The following ATXN8OS variants were observed in gnomAD, a reference collection of about 807,000 sequenced individuals.
ATXN8OS encodes ATXN8 opposite strand (non-protein coding).
chr13:70,167,678 G>A (rs1365930712), intron 4 of ATXN8OS, among the ~76,000 whole-genome samples: 2 of 135,890 alleles, frequency 1.5e-5, no homozygotes, highest in African/African-American at 5.5e-5. Flanking sequence ...TAAAAAAAAA[G>A]AAAATTCAGA....
intron 4 of ATXN8OS, among the ~76,000 whole-genome samples, chr13:70,155,539 G>T (rs1049480669): frequency 6.6e-6 from 1 of 152,112 alleles, no homozygotes; most frequent in Non-Finnish European, 1.5e-5. Flanking sequence ...CCTGTTAAAT[G>T]GTTATCATAA....
intron 3 of ATXN8OS, among the ~76,000 whole-genome samples, chr13:70,146,098 G>T (rs1248337595): frequency 1.3e-3 from 183 of 140,374 alleles, no homozygotes; most frequent in Middle Eastern, 3.5e-3. Context: ...CAAAAAGTGG[G>T]CAAAGGATAT....
At chr13:70,151,805 A>T (rs1207791990) in intron 4 of ATXN8OS, among the ~76,000 whole-genome samples, 1 of 152,110 alleles carries the variant, frequency 6.6e-6, no homozygotes. Flanking sequence ...GAAGAGTAAT[A>T]ACGACCTGAA....
chr13:70,122,968 T>G (rs1888382958), intron 2 of ATXN8OS, among the ~76,000 whole-genome samples: 2 of 152,030 alleles, frequency 1.3e-5, no homozygotes, highest in South Asian at 4.1e-4. Flanking sequence ...GTTTTCTAAT[T>G]TGTAAAACTG....
intron 4 of ATXN8OS, among the ~76,000 whole-genome samples, chr13:70,147,530 G>A (rs765913968): frequency 7.2e-5 from 11 of 152,028 alleles, no homozygotes; most frequent in Non-Finnish European, 1.0e-4. Flanking sequence ...AATTGAGCCC[G>A]CTGACATTCT....
chr13:70,136,612 G>A (rs1216848989), intron 3 of ATXN8OS, among the ~76,000 whole-genome samples: 1 of 151,954 alleles, frequency 6.6e-6, no homozygotes, highest in African/African-American at 2.4e-5. Flanking sequence ...AAGACCGCTA[G>A]CAGGAGAACT....
intron 3 of ATXN8OS, chr13:70,130,578 T>C (rs1888517960): frequency 5.0e-6 from 2 of 397,130 alleles, no homozygotes; most frequent in South Asian, 1.4e-4. Context: ...ACTTTTGAGA[T>C]ACCAATGGTG....
intron 1 of ATXN8OS, among the ~76,000 whole-genome samples, chr13:70,114,388 C>A (rs560435531): frequency 6.6e-6 from 1 of 152,118 alleles, no homozygotes; most frequent in South Asian, 2.1e-4. Context: ...GGACTTCACA[C>A]AATAATATAC....
intron 2 of ATXN8OS, among the ~76,000 whole-genome samples, chr13:70,127,427 ATAAT>A (rs1455219479): frequency 2.6e-5 from 4 of 152,132 alleles, no homozygotes; most frequent in Admixed American, 2.0e-4. Context: ...AATTATGCAC[ATAAT>A]TAATTGAAAT....
chr13:70,168,526 G>A (rs1229756541), intron 4 of ATXN8OS, among the ~76,000 whole-genome samples: 3 of 150,248 alleles, frequency 2.0e-5, no homozygotes, highest in East Asian at 2.0e-4. Flanking sequence ...CCACTGCCCC[G>A]CCCCACGCAT....
chr13:70,130,651 A>C (rs932544407), intron 3 of ATXN8OS: 4 of 398,264 alleles, frequency 1.0e-5, no homozygotes, highest in Non-Finnish European at 1.8e-5. Context: ...AGGAATGCAC[A>C]AGTAAGCATG....
At chr13:70,141,942 G>A (rs995797456) in intron 3 of ATXN8OS, among the ~76,000 whole-genome samples, 1 of 152,046 alleles carries the variant, frequency 6.6e-6, no homozygotes. Flanking sequence ...GGAACCCAAT[G>A]GCAGGGTCTC....
intron 3 of ATXN8OS, chr13:70,139,383 A>ACTG (rs193922930): frequency 0.018 from 8,191 of 457,148 alleles, 225 homozygotes; most frequent in Non-Finnish European, 0.024. Flanking sequence ...TACTACTACT[A>ACTG]CTGCTGCTGC....
intron 2 of ATXN8OS, among the ~76,000 whole-genome samples, chr13:70,122,366 A>T (rs1168868596): frequency 1.3e-5 from 2 of 152,052 alleles, no homozygotes; most frequent in Non-Finnish European, 2.9e-5. Flanking sequence ...AAGCATTAGT[A>T]GTCCATTTTG....
At chr13:70,129,818 A>C (rs1888503308) in exon 3 of ATXN8OS, 1 of 398,400 alleles carries the variant, frequency 2.5e-6, no homozygotes, top group African/African-American at 2.1e-5. Context: ...CAAAAATCCT[A>C]GAAGGATGTA....
At chr13:70,132,394 T>C (rs1301899476) in intron 3 of ATXN8OS, among the ~76,000 whole-genome samples, 3 of 150,586 alleles carry the variant, frequency 2.0e-5, no homozygotes. Flanking sequence ...AACCAAATAC[T>C]GCTTATAAGG....
At chr13:70,124,632 T>A (rs563451234) in intron 2 of ATXN8OS, among the ~76,000 whole-genome samples, 1 of 152,120 alleles carries the variant, frequency 6.6e-6, no homozygotes, top group Admixed American at 6.6e-5. Context: ...ACTCTAGTGA[T>A]AGAAGATCTC....
intron 2 of ATXN8OS, among the ~76,000 whole-genome samples, chr13:70,125,071 C>T (rs556984827): frequency 1.8e-4 from 27 of 151,852 alleles, no homozygotes; most frequent in Admixed American, 1.1e-3. Flanking sequence ...ATCAATTACA[C>T]GAAGTTGTAA....
intron 3 of ATXN8OS, among the ~76,000 whole-genome samples, chr13:70,143,734 A>G (rs915984333): frequency 1.3e-5 from 2 of 152,164 alleles, no homozygotes; most frequent in East Asian, 3.8e-4. Flanking sequence ...CTGGAACTCT[A>G]TGAAGATTTT....
Sources: allele counts gnomAD v4.1 joint callset (sites outside exome capture counted in the v4.1 genomes callset), GRCh38; gene constraint gnomAD v4.1.1; transcripts MANE v1.5; gene names NCBI Gene and HGNC (gene_info 2026-07-23, HGNC 2026-07-21).